CDH13: variants seen among roughly 807,000 people sequenced by gnomAD.
CDH13 encodes cadherin 13.
CDH13 carries 24 observed loss-of-function variants against 63.8 expected under a neutral mutation model. The ratio of observed to expected loss-of-function variants is 0.38; its 90% confidence interval spans 0.27 to 0.53. The LOEUF is 0.53. Ranked by LOEUF, CDH13 falls within the 20% of genes least tolerant of loss-of-function variation. The probability of loss-of-function intolerance (pLI) is 0.85; values close to 1 mark genes in which losing one functional copy is unlikely to be tolerated. For missense variants in CDH13, 1,049 were observed against 903.1 expected (o/e 1.16, Z -2.07); for synonymous variants, 503 against 355.3 (o/e 1.42, Z -4.67).
chr16:83,007,645 C>T (rs1288392984), intron 2 of CDH13, among the ~76,000 whole-genome samples: 1 of 152,002 alleles, frequency 6.6e-6, no homozygotes, highest in African/African-American at 2.4e-5. Context: ...GCCTAGGCAG[C>T]ATGGCAAAAC....
At chr16:82,765,200 A>G (rs1286657907) in intron 1 of CDH13, among the ~76,000 whole-genome samples, 1 of 152,180 alleles carries the variant, frequency 6.6e-6, no homozygotes, top group Non-Finnish European at 1.5e-5. Flanking sequence ...TTTTAAAGAG[A>G]TGAGTATTTG....
intron 6 of CDH13, among the ~76,000 whole-genome samples, chr16:83,426,176 A>G (rs1186098706): frequency 6.6e-6 from 1 of 152,070 alleles, no homozygotes; most frequent in Non-Finnish European, 1.5e-5. Context: ...CATCTGATTA[A>G]TCACACTATG....
intron 1 of CDH13, chr16:82,823,861 A>T (rs1480450443): frequency 6.6e-6 from 1 of 152,172 alleles, no homozygotes; most frequent in African/African-American, 2.4e-5. Context: ...TGAATTTATT[A>T]GGTGTTTTAT....
intron 6 of CDH13, among the ~76,000 whole-genome samples, chr16:83,376,640 G>A (rs1240884547): frequency 6.6e-6 from 1 of 152,150 alleles, no homozygotes; most frequent in Non-Finnish European, 1.5e-5. Flanking sequence ...GGTCTCAGGT[G>A]GTTGTGGTAG....
At chr16:83,060,052 C>A (rs2031385624) in intron 3 of CDH13, among the ~76,000 whole-genome samples, 2 of 152,046 alleles carry the variant, frequency 1.3e-5, no homozygotes, top group Non-Finnish European at 2.9e-5. Flanking sequence ...CCTCGGCCTC[C>A]CAAATTGCTG....
At chr16:83,352,464 C>G (rs1214863784) in intron 6 of CDH13, among the ~76,000 whole-genome samples, 1 of 152,126 alleles carries the variant, frequency 6.6e-6, no homozygotes, top group Admixed American at 6.5e-5. Flanking sequence ...CCTGCTACTA[C>G]TGGGCGTCTA....
chr16:83,089,695 G>C (rs2033799539), intron 3 of CDH13, among the ~76,000 whole-genome samples: 1 of 152,224 alleles, frequency 6.6e-6, no homozygotes. Flanking sequence ...GAGTCTGAAT[G>C]TTTATTTGCC....
In CDH13 at chr16:83,602,107, C is replaced by CAAA. The variant is rs869202510; in HGVS notation, c.961-313_961-311dup. Among the ~76,000 whole-genome samples the CAAA allele has an allele frequency of 4.5e-3, 36 of 7,956 alleles. 3 individuals are homozygous for CAAA. Among genetic ancestry groups the CAAA allele is most frequent in the Non-Finnish European group, 5.4e-3 (29 of 5,364 alleles). 5.2% of individuals were successfully genotyped at this position (7,956 alleles called of 152,430 possible). A position where few individuals can be genotyped will look rare whatever the true frequency, so the allele number is the denominator to read the frequency against. On this transcript the variant is annotated intron_variant, in intron 7 of 13. Coordinates refer to ENST00000567109, the MANE Select transcript of CDH13 (RefSeq NM_001257.5). ...CAAAAAAAAAAAAAAAGAACAACAA[C>CAAA]AAAAAAAAAAAAAAAAAAAAAAAAA...
At chr16:82,714,412 T>A (rs1213748125) in intron 1 of CDH13, among the ~76,000 whole-genome samples, 1 of 152,050 alleles carries the variant, frequency 6.6e-6, no homozygotes, top group African/African-American at 2.4e-5. Flanking sequence ...GTTACTGATG[T>A]CCCTGTAAGA....
At chr16:82,728,673 G>C (rs1259258841) in intron 1 of CDH13, among the ~76,000 whole-genome samples, 1 of 152,052 alleles carries the variant, frequency 6.6e-6, no homozygotes, top group Non-Finnish European at 1.5e-5. Context: ...ATCAGGGTGG[G>C]GGTTGCTGAA....
intron 2 of CDH13, among the ~76,000 whole-genome samples, chr16:82,952,242 C>T (rs1047425697): frequency 2.0e-5 from 3 of 152,208 alleles, no homozygotes; most frequent in Non-Finnish European, 2.9e-5. Context: ...AGTGCCACTT[C>T]TACCTGTCAT....
intron 1 of CDH13, among the ~76,000 whole-genome samples, chr16:82,780,018 T>C (rs73604825): frequency 0.067 from 10,156 of 152,130 alleles, 369 homozygotes; most frequent in African/African-American, 0.082. Flanking sequence ...AGCAAATCCA[T>C]TTTGCCCATG....
intron 10 of CDH13, among the ~76,000 whole-genome samples, chr16:83,708,481 C>A (rs186443001): frequency 6.6e-6 from 1 of 152,180 alleles, no homozygotes; most frequent in Non-Finnish European, 1.5e-5. Flanking sequence ...TGTTCTCTTT[C>A]TGTCTTTTTC....
intron 6 of CDH13, among the ~76,000 whole-genome samples, chr16:83,459,690 G>T (rs78860634): frequency 0.012 from 1,797 of 152,268 alleles, 29 homozygotes; most frequent in African/African-American, 0.042. Context: ...AATGCTAAAG[G>T]TAAAACCTGT....
chr16:82,869,704 A>T (rs554519252), intron 2 of CDH13, among the ~76,000 whole-genome samples: 5 of 152,310 alleles, frequency 3.3e-5, no homozygotes, highest in African/African-American at 9.6e-5. Flanking sequence ...ATTTTTGACA[A>T]AGGTGCCAAG....
intron 2 of CDH13, among the ~76,000 whole-genome samples, chr16:82,912,230 A>ATATGTTGCTTTTCAGACATCT (rs6145918): frequency 6.6e-6 from 1 of 151,866 alleles, no homozygotes; most frequent in Non-Finnish European, 1.5e-5. Flanking sequence ...CTGCATGTTA[A>ATATGTTGCTTTTCAGACATCT]TATTTTCTTA....
intron 3 of CDH13, among the ~76,000 whole-genome samples, chr16:83,111,028 CG>C (rs1486842731): frequency 4.6e-5 from 4 of 87,502 alleles, no homozygotes; most frequent in Non-Finnish European, 6.8e-5. Flanking sequence ...AAAAATTAGC[CG>C]GGCGTGGTGT....
chr16:83,433,786 G>A (rs12149286), intron 6 of CDH13, among the ~76,000 whole-genome samples: 74,966 of 152,070 alleles, frequency 0.49, 18,734 homozygotes, highest in East Asian at 0.67. Flanking sequence ...TGCAAGAACC[G>A]TGCAGCAGAT....
rs373729022 is a variant in CDH13 at position 82,866,473 on chromosome 16, C to G, written c.157+8000C>G. Among the ~76,000 whole-genome samples, 4 of 140,908 alleles carry G rather than the reference C, an allele frequency of 2.8e-5. No individual in the cohort carries two copies. The South Asian group carries it at 9.3e-4, about 33-fold the overall frequency. 92.4% of individuals were successfully genotyped at this position (140,908 alleles called of 152,430 possible). On this transcript the variant is annotated intron_variant, in intron 2 of 13. Transcript: ENST00000567109. ...GCACGATCTCAGCTCACTGCAACCT[C>G]TGCCTCCCGGGTTCAAGCGATTCTC...
Sources: gnomAD v4.1 joint callset for allele counts (sites outside exome capture counted in the v4.1 genomes callset) on GRCh38, gnomAD v4.1.1 for gene constraint, MANE v1.5 for transcripts, NCBI Gene and HGNC (gene_info 2026-07-23, HGNC 2026-07-21) for gene names.